SHLD1: variants seen among roughly 807,000 people sequenced by gnomAD.
The protein encoded by SHLD1 is shieldin complex subunit 1.
SHLD1 carries 3 observed loss-of-function variants against 5.5 expected under a neutral mutation model. That is an observed-to-expected ratio of 0.54 (90% CI 0.25 to 1.40). The LOEUF (loss-of-function observed/expected upper bound fraction) is 1.40. SHLD1 is among the 40% of genes most tolerant of loss of function. The probability of loss-of-function intolerance (pLI) is 0.15; values close to 1 mark genes in which losing one functional copy is unlikely to be tolerated. For missense variants in SHLD1, 210 were observed against 244.4 expected (o/e 0.86, Z 0.94); for synonymous variants, 92 against 94.3 (o/e 0.98, Z 0.14).
At chr20:5,838,658 G>C (rs538940559) in intron 2 of SHLD1, among the ~76,000 whole-genome samples, 13 of 152,312 alleles carry the variant, frequency 8.5e-5, no homozygotes, top group Admixed American at 3.3e-4. Context: ...CTACTCGGGA[G>C]GCTGAGGCAG....
At chr20:5,841,019 T>C (rs1478384214) in intron 2 of SHLD1, among the ~76,000 whole-genome samples, 1 of 152,238 alleles carries the variant, frequency 6.6e-6, no homozygotes, top group Non-Finnish European at 1.5e-5. Context: ...ATTCATTCAT[T>C]TATTCATTCA....
intron 2 of SHLD1, among the ~76,000 whole-genome samples, chr20:5,853,254 T>A (rs2088034804): frequency 6.6e-6 from 1 of 152,128 alleles, no homozygotes; most frequent in East Asian, 1.9e-4. Context: ...AAGACCAGCC[T>A]GGCCAACATG....
chr20:5,750,782 G>T (rs1983704200), intron 1 of SHLD1, among the ~76,000 whole-genome samples: 1 of 151,994 alleles, frequency 6.6e-6, no homozygotes. Context: ...CAAAAAAACA[G>T]CTTTCTTGGG....
At chr20:5,751,777 C>T (rs1192075398) in intron 1 of SHLD1, among the ~76,000 whole-genome samples, 1 of 151,606 alleles carries the variant, frequency 6.6e-6, no homozygotes, top group Non-Finnish European at 1.5e-5. Context: ...AGTAAGTGAT[C>T]CCGAGGCAGT....
Position 5,810,441 on chromosome 20 carries a change from G to A in SHLD1, c.178+37398G>A, listed in dbSNP as rs201686324. On this transcript the variant is annotated intron_variant, in intron 2 of 2. Coordinates refer to ENST00000303142, the MANE Select transcript of SHLD1 (RefSeq NM_152504.4). ...CTTCCGAGCCATTTAATTATCTTTTGTGAAATGAGAGCATTTGCCTAAGTT... is the reference window on the plus strand; with the variant it reads ...CTTCCGAGCCATTTAATTATCTTTTATGAAATGAGAGCATTTGCCTAAGTT... 8.5e-5 allele frequency among the ~76,000 whole-genome samples: 13 copies of A among 152,100 alleles called. No individual in the cohort carries two copies. In the East Asian group the frequency reaches 2.3e-3, roughly 27 times the overall value.
intron 1 of SHLD1, among the ~76,000 whole-genome samples, chr20:5,764,475 C>A (rs1410093393): frequency 1.4e-5 from 2 of 147,612 alleles, no homozygotes; most frequent in African/African-American, 5.0e-5. Context: ...AGATGGCTGG[C>A]CTGAGCCCAG....
chr20:5,785,192 A>G (rs1013301820), intron 2 of SHLD1, among the ~76,000 whole-genome samples: 13 of 152,242 alleles, frequency 8.5e-5, no homozygotes, highest in African/African-American at 2.9e-4. Flanking sequence ...TTTATGAGAT[A>G]AAGGCTATAC....
At chr20:5,768,454 CA>C (rs769433816) in intron 1 of SHLD1, among the ~76,000 whole-genome samples, 1 of 152,224 alleles carries the variant, frequency 6.6e-6, no homozygotes, top group Non-Finnish European at 1.5e-5. Context: ...ACTGTGTTAA[CA>C]AGGTATGTGT....
intron 2 of SHLD1, among the ~76,000 whole-genome samples, chr20:5,783,223 TTTG>T (rs370000931): frequency 3.9e-5 from 6 of 152,042 alleles, no homozygotes; most frequent in Non-Finnish European, 7.4e-5. Context: ...ATTTGGGGTT[TTTG>T]TTGTTGTTGT....
intron 2 of SHLD1, among the ~76,000 whole-genome samples, chr20:5,807,398 T>C (rs2087393395): frequency 2.6e-5 from 4 of 152,060 alleles, no homozygotes; most frequent in Admixed American, 1.3e-4. Context: ...TTTTCCTTTT[T>C]TTTGAATTGG....
intron 2 of SHLD1, among the ~76,000 whole-genome samples, chr20:5,819,654 T>A (rs957111394): frequency 6.6e-6 from 1 of 152,120 alleles, no homozygotes; most frequent in African/African-American, 2.4e-5. Flanking sequence ...AGACCCTGTT[T>A]CTACAAAAAA....
intron 2 of SHLD1, among the ~76,000 whole-genome samples, chr20:5,785,790 C>T (rs1171711178): frequency 3.0e-5 from 4 of 134,800 alleles, no homozygotes; most frequent in African/African-American, 5.5e-5. Flanking sequence ...AGTAAGACTC[C>T]GTCTCCAAAA....
chr20:5,849,226 A>G (rs564284432), intron 2 of SHLD1, among the ~76,000 whole-genome samples: 121 of 152,362 alleles, frequency 7.9e-4, no homozygotes, highest in Middle Eastern at 3.4e-3. Flanking sequence ...GTTACGACGC[A>G]GCAGGGAAAA....
intron 2 of SHLD1, among the ~76,000 whole-genome samples, chr20:5,810,960 G>A (rs752803134): frequency 2.6e-5 from 4 of 151,584 alleles, no homozygotes; most frequent in Non-Finnish European, 2.9e-5. Context: ...CTTTAAGATC[G>A]TCCTGTATGA....
intron 2 of SHLD1, among the ~76,000 whole-genome samples, chr20:5,826,858 C>T (rs553165860): frequency 1.3e-5 from 2 of 152,142 alleles, no homozygotes; most frequent in Non-Finnish European, 2.9e-5. Flanking sequence ...ATAGGTTTCA[C>T]GTAAGTGCTG....
intron 2 of SHLD1, among the ~76,000 whole-genome samples, chr20:5,809,671 C>A (rs2122368594): frequency 6.6e-6 from 1 of 152,198 alleles, no homozygotes; most frequent in East Asian, 1.9e-4. Context: ...GGTTCTCAAC[C>A]AGTGGCCGTT....
At chr20:5,766,391 T>A (rs919540937) in intron 1 of SHLD1, among the ~76,000 whole-genome samples, 3 of 152,198 alleles carry the variant, frequency 2.0e-5, no homozygotes, top group African/African-American at 7.2e-5. Flanking sequence ...TGACTGGGTG[T>A]CCTCAAACAA....
chr20:5,859,100 G>A (rs2088126954), intron 2 of SHLD1, among the ~76,000 whole-genome samples: 1 of 152,126 alleles, frequency 6.6e-6, no homozygotes, highest in Non-Finnish European at 1.5e-5. Context: ...CCATCTCATG[G>A]TCTGAGAAGG....
At position 5,855,505 on chromosome 20, in the gene SHLD1, G is replaced by A. The variant is rs1363936584; in HGVS notation, c.179-7519G>A. Among the ~76,000 whole-genome samples the A allele has an allele frequency of 6.6e-6, 1 of 152,078 alleles. No individual in the cohort carries two copies. The highest frequency in any genetic ancestry group is 1.5e-5 in the Non-Finnish European group (1 of 67,998). ...TTGTGCCTCAGCCACCCGAGTAGCT[G>A]GGACTACAGGTGCATGTCACCACGC... On this transcript the variant is annotated intron_variant, in intron 2 of 2. Coordinates refer to ENST00000303142, the MANE Select transcript of SHLD1 (RefSeq NM_152504.4). This position sits in a 1 kb window ranked among gnomAD's most constrained non-coding sequence, Gnocchi z 4.4.
Sources: gnomAD v4.1 joint callset for allele counts (sites outside exome capture counted in the v4.1 genomes callset) on GRCh38, gnomAD v4.1.1 for gene constraint, Gnocchi (gnomAD v3.1) non-coding constraint, MANE v1.5 for transcripts, NCBI Gene and HGNC (gene_info 2026-07-23, HGNC 2026-07-21) for gene names.